The following EPB41L2 variants were observed in gnomAD, a reference collection of about 807,000 sequenced individuals.
The protein encoded by EPB41L2 is band 4.1-like protein 2.
A neutral mutation model predicts 113.0 loss-of-function variants in EPB41L2; 43 were observed. The ratio of observed to expected loss-of-function variants is 0.38; its 90% confidence interval spans 0.30 to 0.49. EPB41L2 has a LOEUF of 0.49. EPB41L2 is among the 20% of genes least tolerant of loss of function. The pLI is 0.95. For synonymous variants in EPB41L2, 442 were observed against 436.7 expected (o/e 1.01, Z -0.15); for missense variants, 1,147 against 1,223.4 (o/e 0.94, Z 0.93).
chr6:130,957,763 A>T (rs1317088381), intron 1 of EPB41L2, among the ~76,000 whole-genome samples: 3 of 152,226 alleles, frequency 2.0e-5, no homozygotes, highest in Non-Finnish European at 2.9e-5. Context: ...TAAAGTATAC[A>T]GTTAGTGATT....
chr6:131,052,600 CAT>C (rs1047613871), intron 1 of EPB41L2, among the ~76,000 whole-genome samples: 5 of 152,064 alleles, frequency 3.3e-5, no homozygotes, highest in African/African-American at 7.2e-5. Context: ...CAGGATAAAA[CAT>C]AAAGTTGTAA....
At chr6:130,890,222 GATTA>G in intron 11 of EPB41L2, 68 bp downstream of exon 11, 1 of 1,469,826 alleles carries the variant, frequency 6.8e-7, no homozygotes, top group Non-Finnish European at 9.1e-7. Context: ...TTATTAACTG[GATTA>G]ACATTTTCTG....
chr6:130,875,636 A>G (rs1291928245), intron 14 of EPB41L2, among the ~76,000 whole-genome samples: 1 of 152,082 alleles, frequency 6.6e-6, no homozygotes, highest in Non-Finnish European at 1.5e-5. Flanking sequence ...TCCTAACACA[A>G]CATTGTATTT....
intron 1 of EPB41L2, among the ~76,000 whole-genome samples, chr6:131,030,465 A>G (rs2128750071): frequency 6.6e-6 from 1 of 152,346 alleles, no homozygotes; most frequent in Non-Finnish European, 1.5e-5. Context: ...ATTTCTATGT[A>G]AGCTTTCTTT....
At chr6:131,060,510 G>C (rs1352286335) in intron 1 of EPB41L2, among the ~76,000 whole-genome samples, 1 of 152,168 alleles carries the variant, frequency 6.6e-6, no homozygotes, top group Admixed American at 6.5e-5. Flanking sequence ...TTACATTCTG[G>C]TCACTGGTTA....
chr6:131,054,511 C>G (rs1562809712), intron 1 of EPB41L2, among the ~76,000 whole-genome samples: 3 of 152,210 alleles, frequency 2.0e-5, no homozygotes, highest in Non-Finnish European at 2.9e-5. Context: ...CTGTCTCTAT[C>G]TCTATTTATC....
intron 4 of EPB41L2, among the ~76,000 whole-genome samples, chr6:130,914,949 T>C (rs777960517): frequency 3.3e-5 from 5 of 152,192 alleles, no homozygotes; most frequent in Non-Finnish European, 7.3e-5. Context: ...TAAGGAATCC[T>C]AAAACAGGCT....
At chr6:130,938,740 A>G (rs1275929068) in intron 3 of EPB41L2, among the ~76,000 whole-genome samples, 1 of 152,170 alleles carries the variant, frequency 6.6e-6, no homozygotes, top group Non-Finnish European at 1.5e-5. Context: ...GAATTCGACC[A>G]CTAGATTCTT....
chr6:130,964,623 T>C (rs1186678072), intron 1 of EPB41L2, among the ~76,000 whole-genome samples: 1 of 152,052 alleles, frequency 6.6e-6, no homozygotes, highest in East Asian at 1.9e-4. Flanking sequence ...CACATAGAGA[T>C]TCTGCCAAGA....
chr6:130,862,098 T>A (rs1405592314), intron 18 of EPB41L2, among the ~76,000 whole-genome samples: 1 of 152,184 alleles, frequency 6.6e-6, no homozygotes, highest in Non-Finnish European at 1.5e-5. Context: ...TATTTCAGAT[T>A]GTGTTTTTAA....
At chr6:131,023,723 GTGTGTGTATATATA>G in intron 1 of EPB41L2, among the ~76,000 whole-genome samples, 1 of 131,198 alleles carries the variant, frequency 7.6e-6, no homozygotes, top group Non-Finnish European at 1.6e-5. Flanking sequence ...GCGTGTGTGT[GTGTGTGTATATATA>G]TCTATATATC....
rs1160277407 is a variant in EPB41L2, at chr6:130,869,733, C to T, written c.2437G>A (p.Val813Met). Residue 813 changes from valine to methionine, a missense_variant, in exon 15 of 20, where the codon GTG becomes ATG. Transcript: ENST00000337057. The part of the protein sequence containing the change: ...AGASVITVET[V>M]IQENVGAQKI... The stretch of plus-strand genomic sequence containing the variant: ...TGGGCACCTACATTTTCCTGGATCA[C>T]TGTTTCTACTGTGATTACACTGGCA... 1.2e-6 allele frequency: 2 copies of T among 1,614,038 alleles called. No homozygotes were observed. The highest frequency in any genetic ancestry group is 2.7e-5 in the African/African-American group (2 of 74,902).
intron 3 of EPB41L2, among the ~76,000 whole-genome samples, chr6:130,938,791 T>C (rs976049682): frequency 2.0e-5 from 3 of 152,196 alleles, no homozygotes; most frequent in Non-Finnish European, 4.4e-5. Flanking sequence ...CAGAGATCTC[T>C]TAGAAGGCAG....
At chr6:131,046,151 C>A (rs1305709064) in intron 1 of EPB41L2, among the ~76,000 whole-genome samples, 1 of 148,614 alleles carries the variant, frequency 6.7e-6, no homozygotes, top group East Asian at 2.0e-4. Flanking sequence ...AACCTCCTGA[C>A]TGAAGCAATC....
intron 3 of EPB41L2, among the ~76,000 whole-genome samples, chr6:130,953,768 C>T (rs9375785): frequency 0.15 from 22,759 of 151,786 alleles, 2,310 homozygotes; most frequent in East Asian, 0.44. Context: ...AGGGAGCTGC[C>T]TTGTCCTTCC....
At chr6:130,845,368 T>G (rs976672721) in intron 19 of EPB41L2, among the ~76,000 whole-genome samples, 32 of 125,254 alleles carry the variant, frequency 2.6e-4, no homozygotes, top group Admixed American at 8.6e-5. Context: ...CAAACTATAT[T>G]TGAGGTAACC....
At position 130,908,802 on chromosome 6, in the gene EPB41L2, T is replaced by G; in HGVS notation, c.853+19A>C. On this transcript the variant is annotated intron_variant, in intron 5 of 19. Coordinates refer to ENST00000337057, the MANE Select transcript of EPB41L2 (RefSeq NM_001431.4). Reference sequence around the variant, plus strand: ...ATCAAGACACCTTAACTTCAAAGAATGATTATTTATATACTTACTTCTCAG... The same window carrying G: ...ATCAAGACACCTTAACTTCAAAGAAGGATTATTTATATACTTACTTCTCAG... 6.4e-7 allele frequency: 1 copy of G among 1,571,368 alleles called. No individual in the cohort carries two copies. Among genetic ancestry groups the G allele is most frequent in the Non-Finnish European group, 8.7e-7 (1 of 1,148,898 alleles).
chr6:130,865,941 G>C (rs909682575), intron 16 of EPB41L2: 17 of 258,342 alleles, frequency 6.6e-5, no homozygotes, highest in African/African-American at 3.8e-4. Flanking sequence ...GCACAAGCTA[G>C]AAAATGAAAC....
chr6:130,888,817 T>C (rs1261662119), intron 11 of EPB41L2, among the ~76,000 whole-genome samples: 1 of 152,212 alleles, frequency 6.6e-6, no homozygotes, highest in South Asian at 2.1e-4. Context: ...TTAAATCATT[T>C]CCACAATTCT....
Sources: allele counts gnomAD v4.1 joint callset (sites outside exome capture counted in the v4.1 genomes callset), GRCh38; gene constraint gnomAD v4.1.1; transcripts MANE v1.5; gene names NCBI Gene and HGNC (gene_info 2026-07-23, HGNC 2026-07-21).